Variants in DNAH17 observed in about 807,000 individuals in gnomAD.
DNAH17 encodes the protein axonemal beta dynein heavy chain 17.
DNAH17 carries 376 observed loss-of-function variants against 485.6 expected under a neutral mutation model. The observed-to-expected ratio is 0.77, with a 90% CI of 0.71 to 0.84. The LOEUF (loss-of-function observed/expected upper bound fraction) is 0.84, where lower values mean the gene tolerates loss of function less well. Ranked by LOEUF, DNAH17 falls within the 40% of genes least tolerant of loss-of-function variation. The probability of loss-of-function intolerance (pLI) is 0.00; values close to 1 mark genes in which losing one functional copy is unlikely to be tolerated. For synonymous variants in DNAH17, 3,031 were observed against 2,405.9 expected, an observed-to-expected ratio of 1.26 and a Z score of -7.60; for missense variants, 6,370 against 5,839.3, an observed-to-expected ratio of 1.09 and a Z score of -2.96.
rs7210803 is a variant in DNAH17, at chr17:78,453,396, G to T, written c.10476C>A (p.Thr3492=). The T allele has an allele frequency of 3.1e-6, 5 of 1,613,778 alleles. No individual in the cohort carries two copies. The highest frequency in any genetic ancestry group is 4.2e-6 in the Non-Finnish European group (5 of 1,179,796). The change falls in exon 65 of 81, where the codon ACC becomes ACA. Residue 3492 remains threonine (T), a synonymous_variant. Transcript: ENST00000389840. ...GTAGAGGGTCCAGCACGGGGTCCAC[G>T]GTTTCGCCGATGTTCTCAATGAGCA... The part of the protein sequence containing the change: ...DTLLIENIGE[T]VDPVLDPLLG...
chr17:78,465,463 G>A lies in DNAH17; in HGVS notation c.8940+1192C>T, dbSNP rs1239827349. On this transcript the variant is annotated intron_variant, in intron 56 of 80. Transcript: ENST00000389840. Reference sequence around the variant, plus strand: ...AAGTGAGGAGCGTCTCCGCCCGGCTGCCATCCCACCTAGGAAGTGAGGAAC... The same window carrying A: ...AAGTGAGGAGCGTCTCCGCCCGGCTACCATCCCACCTAGGAAGTGAGGAAC... Among the ~76,000 whole-genome samples the A allele has an allele frequency of 2.1e-5, 3 of 144,972 alleles. No homozygotes were observed. The South Asian group carries it at 7.1e-4, about 34-fold the overall frequency.
rs372608030 is a variant in DNAH17, at chr17:78,531,446, C to G, written c.3115-934G>C. 3.9e-4 allele frequency among the ~76,000 whole-genome samples: 58 copies of G among 148,290 alleles called. 2 individuals are homozygous for G. In the Middle Eastern group the frequency reaches 0.011, roughly 28 times the overall value. Reference sequence around the variant, plus strand: ...CTCCGCCTCCTGGGTTCACACCATTCTCTTGCCTCAGCCTCCCGAGTAGCT... The same window carrying G: ...CTCCGCCTCCTGGGTTCACACCATTGTCTTGCCTCAGCCTCCCGAGTAGCT... On this transcript the variant is annotated intron_variant, in intron 20 of 80. Coordinates refer to ENST00000389840, the MANE Select transcript of DNAH17 (RefSeq NM_173628.4).
intron 25 of DNAH17, among the ~76,000 whole-genome samples, chr17:78,517,931 G>C (rs1004628553): frequency 1.6e-4 from 25 of 152,176 alleles, no homozygotes; most frequent in Non-Finnish European, 2.4e-4. Context: ...AGATCTAAAT[G>C]GAAGTGAGGT....
At position 78,492,698 on chromosome 17, in the gene DNAH17, G is replaced by A. The variant is rs1320300750; in HGVS notation, c.6476C>T (p.Pro2159Leu). 1 of 1,613,452 alleles carries A rather than the reference G, an allele frequency of 6.2e-7. No individual in the cohort carries two copies. Among genetic ancestry groups the A allele is most frequent in the Admixed American group, 1.7e-5 (1 of 59,960 alleles). The change falls in exon 42 of 81, where the codon CCC becomes CTC. Residue 2159 changes from proline (P) to leucine (L), a missense_variant. Physicochemically the swap from Pro to Leu is moderately conservative, Grantham distance 98. Coordinates refer to ENST00000389840, the MANE Select transcript of DNAH17 (RefSeq NM_173628.4). Reference protein sequence around the residue: ...KRKPVAVDLDPKAVTCDELFG... With the variant: ...KRKPVAVDLDLKAVTCDELFG... ...GAGCTCGTCGCAGGTGACGGCCTTG[G>A]GGTCCAGGTCCACGGCGACCGGCTT...
At chr17:78,462,404 C>T (rs968969520) in intron 57 of DNAH17, among the ~76,000 whole-genome samples, 2 of 152,080 alleles carry the variant, frequency 1.3e-5, no homozygotes, top group African/African-American at 2.4e-5. Flanking sequence ...ATGAAGGAGC[C>T]GGGACTGCAC....
chr17:78,505,389 G>A lies in DNAH17; in HGVS notation c.4860C>T (p.Leu1620=), dbSNP rs758636285. 4.5e-5 allele frequency: 72 copies of A among 1,613,982 alleles called. No homozygotes were observed. In the Middle Eastern group the frequency reaches 2.6e-3, roughly 59 times the overall value. ...CCTTGAGAGGTTTGTCACTGGCATC[G>A]AGCCGGAACTTCAGTTTACACAGGC... is the stretch of plus-strand genomic sequence containing the variant. The part of the protein sequence containing the change: ...FDSLCKLKFR[L]DASDKPLKVG... The change falls in exon 31 of 81, where the codon CTC becomes CTT. Residue 1620 remains leucine (L), a synonymous_variant. Coordinates refer to ENST00000389840, the MANE Select transcript of DNAH17 (RefSeq NM_173628.4).
Position 78,523,538 on chromosome 17 carries a change from GA to G in DNAH17, c.3864+1470del, listed in dbSNP as rs796529692. On this transcript the variant is annotated intron_variant, in intron 25 of 80. Coordinates refer to ENST00000389840, the MANE Select transcript of DNAH17 (RefSeq NM_173628.4). ...AAAAAAACTTAAAAAAAGTCAATTG[GA>G]AAAAAAAAGTCAACTAGAAAATGGA... 1.5e-3 allele frequency among the ~76,000 whole-genome samples: 232 copies of G among 151,294 alleles called. 1 individual carries two copies. Among genetic ancestry groups the G allele is most frequent in the African/African-American group, 5.3e-3 (220 of 41,258 alleles).
rs1377270476 is a variant in DNAH17 at position 78,569,450 on chromosome 17, G to A, written c.1122C>T (p.Ser374=). 15 of 1,612,270 alleles carry A rather than the reference G, an allele frequency of 9.3e-6. No homozygotes were observed. The highest frequency in any genetic ancestry group is 1.3e-5 in the African/African-American group (1 of 75,032). The change falls in exon 8 of 81, where the codon TCC becomes TCT. Residue 374 remains serine, a synonymous_variant. Transcript: ENST00000389840. ...GEIEEVLSGI[S]LAVNVLKELY... ...GCTCCTTCAGCACATTTACAGCCAG[G>A]GAGATGCCACTCAGGACTTCCTCGA...
intron 14 of DNAH17, among the ~76,000 whole-genome samples, chr17:78,557,023 G>A (rs1253623371): frequency 1.3e-5 from 2 of 152,090 alleles, no homozygotes; most frequent in African/African-American, 2.4e-5. Context: ...GGACGGGACC[G>A]CCCCCCACCT....
intron 80 of DNAH17, chr17:78,424,391 TC>T: frequency 2.1e-6 from 1 of 475,598 alleles, no homozygotes; most frequent in Non-Finnish European, 3.7e-6. Context: ...TCGGGTTCCA[TC>T]CGTTTAAATC....
At chr17:78,476,372 ACAGCCACGTGCCGGAGTT>A (rs2089024198) in intron 52 of DNAH17, among the ~76,000 whole-genome samples, 182 bp downstream of exon 52, 2 of 151,404 alleles carry the variant, frequency 1.3e-5, no homozygotes, top group African/African-American at 2.4e-5. Context: ...CCTCGGACCC[ACAGCCACGTGCCGGAGTT>A]ATCGCGTGGA....
intron 62 of DNAH17, among the ~76,000 whole-genome samples, chr17:78,456,135 C>T (rs8070205): frequency 0.59 from 88,752 of 151,708 alleles, 26,683 homozygotes; most frequent in East Asian, 0.71. Context: ...CCCGTCTCTA[C>T]TAAAAATACA....
At chr17:78,476,366 G>A (rs1347299498) in intron 52 of DNAH17, among the ~76,000 whole-genome samples, 11 of 145,910 alleles carry the variant, frequency 7.5e-5, no homozygotes, top group Middle Eastern at 3.6e-3. Flanking sequence ...TGGAACCCTC[G>A]GACCCACAGC....
intron 29 of DNAH17, 71 bp from the exon 30 acceptor site, chr17:78,506,917 C>T (rs913041421): frequency 1.2e-5 from 19 of 1,589,850 alleles, no homozygotes; most frequent in East Asian, 6.7e-5. Context: ...CCCACCCTGT[C>T]GGCGAAGGAA....
At position 78,572,565 on chromosome 17, in the gene DNAH17, T is replaced by TC. The variant is rs1269486800; in HGVS notation, c.539+135dup. On this transcript the variant is annotated intron_variant, in intron 3 of 80. Coordinates refer to ENST00000389840, the MANE Select transcript of DNAH17 (RefSeq NM_173628.4). ...CTAACGCACCACCTTGCCCTGCATT[T>TC]CCCCGGCTTTAACATGTGAAGCCAC... is the stretch of plus-strand genomic sequence containing the variant. 14 of 833,726 alleles carry TC rather than the reference T, an allele frequency of 1.7e-5. No individual in the cohort carries two copies. In the East Asian group the frequency reaches 2.7e-4, roughly 16 times the overall value. 51.6% of individuals were successfully genotyped at this position (833,726 alleles called of 1,614,324 possible).
At chr17:78,472,204 T>C (rs692082) in intron 54 of DNAH17, among the ~76,000 whole-genome samples, 16,660 of 147,548 alleles carry the variant, frequency 0.11, 1,143 homozygotes, top group African/African-American at 0.2. Context: ...GGAGCCGAGA[T>C]TTGGGAGTGG....
rs375808913 is a variant in DNAH17 at position 78,552,727 on chromosome 17, C to T, written c.2257G>A (p.Ala753Thr). The T allele has an allele frequency of 3.1e-5, 50 of 1,613,652 alleles. No homozygotes were observed. The highest frequency in any genetic ancestry group is 1.6e-4 in the African/African-American group (12 of 74,890). Reference protein sequence around the residue: ...LEAIDVKLLSAETTLFWNGEG... With the variant: ...LEAIDVKLLSTETTLFWNGEG... ...CCATTCCAGAATAATGTCGTTTCAG[C>T]GCTCAATAACTTGACATCAATTGCT... The change falls in exon 15 of 81, where the codon GCT (alanine) becomes ACT (threonine). Residue 753 changes from alanine (A) to threonine (T), a missense_variant. Physicochemically the swap from Ala to Thr is moderately conservative, Grantham distance 58. Transcript: ENST00000389840.
chr17:78,492,529 C>T (rs2146677238), intron 42 of DNAH17, 104 bp downstream of exon 42: 1 of 1,514,830 alleles, frequency 6.6e-7, no homozygotes. Context: ...GTGCCCCACC[C>T]TAGCCTGGGG....
At chr17:78,456,220 A>G (rs2087792361) in intron 62 of DNAH17, among the ~76,000 whole-genome samples, 1 of 152,104 alleles carries the variant, frequency 6.6e-6, no homozygotes, top group African/African-American at 2.4e-5. Context: ...AATTGCTTGA[A>G]CCCGGGAGGC....
Sources: allele counts gnomAD v4.1 joint callset (sites outside exome capture counted in the v4.1 genomes callset), GRCh38; gene constraint gnomAD v4.1.1; transcripts MANE v1.5; gene names NCBI Gene and HGNC (gene_info 2026-07-23, HGNC 2026-07-21).